The following ENTPD7 variants were observed in gnomAD, a reference collection of about 807,000 sequenced individuals.
ENTPD7 encodes the protein ectonucleoside triphosphate diphosphohydrolase 7.
A neutral mutation model predicts 77.9 loss-of-function variants in ENTPD7; 53 were observed. The ratio of observed to expected loss-of-function variants is 0.68; its 90% CI spans 0.55 to 0.85. The LOEUF is 0.85. Among genes scored for constraint, ENTPD7 ranks in the 40% least tolerant of loss-of-function variants. ENTPD7 has a pLI of 0.00. For synonymous variants in ENTPD7, 248 were observed against 274.9 expected, an observed-to-expected ratio of 0.90 and a Z score of 0.97; for missense variants, 636 against 743.7, an observed-to-expected ratio of 0.86 and a Z score of 1.68.
chr10:99,679,600 C>A (rs914766023), intron 4 of ENTPD7, 125 bp from the exon 5 acceptor site: 1 of 1,426,840 alleles, frequency 7.0e-7, no homozygotes, highest in African/African-American at 1.4e-5. Flanking sequence ...CATTGTCACC[C>A]CCTACCTCTC....
chr10:99,678,254 G>A (rs1039035425), intron 3 of ENTPD7, among the ~76,000 whole-genome samples: 5 of 149,914 alleles, frequency 3.3e-5, no homozygotes, highest in African/African-American at 7.4e-5. Context: ...GGATCACGAG[G>A]TCAGGAGATC....
At chr10:99,695,885 T>A (rs2035964730) in intron 8 of ENTPD7, 71 bp from the exon 9 acceptor site, 5 of 1,436,872 alleles carry the variant, frequency 3.5e-6, no homozygotes, top group Non-Finnish European at 4.7e-6. Flanking sequence ...CCTCGTGTAT[T>A]AGCAATGTCA....
At position 99,679,274 on chromosome 10, in the gene ENTPD7, G is replaced by A. The variant is rs1362406037; in HGVS notation, c.205G>A (p.Val69Ile). Residue 69 changes from valine (V) to isoleucine (I), a missense_variant, in exon 4 of 13, where the codon GTA becomes ATA. Transcript: ENST00000370489. ...DRQYERYLAR[V>I]GELEATDTED... ...TGCCTGACTTAGGTATTTGGCTCGA[G>A]TAGGGGAGCTTGAAGCTACTGACAC... 3 of 1,614,036 alleles carry A rather than the reference G, an allele frequency of 1.9e-6. No individual in the cohort carries two copies. Among genetic ancestry groups the A allele is most frequent in the East Asian group, 2.2e-5 (1 of 44,896 alleles).
Position 99,704,994 on chromosome 10 carries a change from T to G in ENTPD7, c.*311T>G. 9.3e-6 allele frequency: 3 copies of G among 323,076 alleles called. No individual in the cohort carries two copies. Among genetic ancestry groups the G allele is most frequent in the East Asian group, 1.2e-4 (2 of 16,704 alleles). 20.0% of individuals were successfully genotyped at this position (323,076 alleles called of 1,614,324 possible). A position where few individuals can be genotyped will look rare whatever the true frequency, so the allele number is the denominator to read the frequency against. On this transcript the variant is annotated 3_prime_UTR_variant, in exon 13 of 13. Transcript: ENST00000370489. ...TGTGTTCCTAGAATCTCACCTTTTC[T>G]TCCCTTGCTAAAGCATGAAGTTTGG...
intron 5 of ENTPD7, among the ~76,000 whole-genome samples, chr10:99,680,101 T>TA (rs1350064045): frequency 6.6e-6 from 1 of 152,162 alleles, no homozygotes; most frequent in African/African-American, 2.4e-5. Context: ...GTGGTGATGG[T>TA]AATAGATTTG....
chr10:99,680,939 T>A (rs1389884456), intron 5 of ENTPD7, among the ~76,000 whole-genome samples: 2 of 152,236 alleles, frequency 1.3e-5, no homozygotes, highest in Non-Finnish European at 2.9e-5. Context: ...GTACAGTGGA[T>A]CTTCAGTGCT....
At chr10:99,674,861 G>T (rs1412100013) in intron 3 of ENTPD7, among the ~76,000 whole-genome samples, 1 of 152,214 alleles carries the variant, frequency 6.6e-6, no homozygotes, top group African/African-American at 2.4e-5. Context: ...CATTGTACTA[G>T]TAGTTACTAT....
intron 5 of ENTPD7, among the ~76,000 whole-genome samples, chr10:99,684,141 C>T (rs528361134): frequency 3.7e-4 from 56 of 152,218 alleles, no homozygotes; most frequent in African/African-American, 1.3e-3. Flanking sequence ...CTGCAACCTC[C>T]ACCTCCCGGG....
At chr10:99,679,543 T>G (rs1256610582) in intron 4 of ENTPD7, 77 bp downstream of exon 4, 5 of 1,483,954 alleles carry the variant, frequency 3.4e-6, no homozygotes, top group Non-Finnish European at 4.5e-6. Flanking sequence ...GAAAGCAAGC[T>G]ACCCCTTTCT....
At chr10:99,672,715 C>T (rs1213084351) in intron 3 of ENTPD7, among the ~76,000 whole-genome samples, 4 of 152,154 alleles carry the variant, frequency 2.6e-5, no homozygotes, top group Admixed American at 1.3e-4. Context: ...ATATACTTTT[C>T]TGGGTATGTA....
chr10:99,667,761 T>C (rs1240766851), intron 3 of ENTPD7, among the ~76,000 whole-genome samples: 1 of 152,090 alleles, frequency 6.6e-6, no homozygotes, highest in Non-Finnish European at 1.5e-5. Context: ...CAATAATCAG[T>C]TATATCTGGC....
Position 99,659,726 on chromosome 10 carries a change from G to C in ENTPD7, c.-95-136G>C. On this transcript the variant is annotated intron_variant, in intron 1 of 12. Coordinates refer to ENST00000370489, the MANE Select transcript of ENTPD7 (RefSeq NM_020354.5). This position sits in a 1 kb window ranked among gnomAD's most constrained non-coding sequence, Gnocchi z 4.1. ...AGAACGCCCCGCTCCCAGGATGCCC[G>C]GGTAGGGTCCCCTGGGCCTGAGGAA... The C allele has an allele frequency of 1.9e-6, 1 of 514,568 alleles. No individual in the cohort carries two copies. Among genetic ancestry groups the C allele is most frequent in the Non-Finnish European group, 3.4e-6 (1 of 292,030 alleles). The allele number at this position is 514,568 out of a possible 1,614,324, so 31.9% of individuals were successfully genotyped here.
chr10:99,684,177 T>C (rs1032439320), intron 5 of ENTPD7, among the ~76,000 whole-genome samples: 2 of 152,138 alleles, frequency 1.3e-5, no homozygotes, highest in Non-Finnish European at 2.9e-5. Context: ...TGCCTCAGCC[T>C]CCCGAGTGGG....
At chr10:99,660,905 G>C (rs1278983956) in intron 2 of ENTPD7, among the ~76,000 whole-genome samples, 5 of 144,240 alleles carry the variant, frequency 3.5e-5, no homozygotes, top group Admixed American at 1.4e-4. Context: ...CTGGGCAACA[G>C]AGCAAGACTC....
Position 99,709,276 on chromosome 10 carries a change from T to G in ENTPD7, c.*4593T>G. On this transcript the variant is annotated 3_prime_UTR_variant, in exon 13 of 13. Transcript: ENST00000370489. ...TGTTTCTTTTTGTTGTCTTTAAACT[T>G]TTCAAATTAATTCAAAACTAGTATC... is the stretch of plus-strand genomic sequence containing the variant. 1 of 985,372 alleles carries G rather than the reference T, an allele frequency of 1.0e-6. No individual in the cohort carries two copies. 61.0% of individuals were successfully genotyped at this position (985,372 alleles called of 1,614,324 possible). A position where few individuals can be genotyped will look rare whatever the true frequency, so the allele number is the denominator to read the frequency against.
chr10:99,709,829 G>A lies in ENTPD7; in HGVS notation c.*5146G>A, dbSNP rs951883284. ...TATTTCATTATTTTCCAGTTTGTCA[G>A]TACCGTTATCAGAGGGACGAGGAAG... On this transcript the variant is annotated 3_prime_UTR_variant, in exon 13 of 13. Transcript: ENST00000370489. 2 of 985,074 alleles carry A rather than the reference G, an allele frequency of 2.0e-6. No homozygotes were observed. Among genetic ancestry groups the A allele is most frequent in the African/African-American group, 3.5e-5 (2 of 57,166 alleles). The allele number at this position is 985,074 out of a possible 1,614,324, so 61.0% of individuals were successfully genotyped here. A position where few individuals can be genotyped will look rare whatever the true frequency, so the allele number is the denominator to read the frequency against.
chr10:99,664,728 C>T (rs1415251195), intron 3 of ENTPD7, among the ~76,000 whole-genome samples: 2 of 149,994 alleles, frequency 1.3e-5, no homozygotes, highest in Non-Finnish European at 3.0e-5. Flanking sequence ...GAATTACAGG[C>T]GTGAGCCACC....
In ENTPD7 at chr10:99,709,458, G is replaced by A. The variant is rs2036316043; in HGVS notation, c.*4775G>A. On this transcript the variant is annotated 3_prime_UTR_variant, in exon 13 of 13. Transcript: ENST00000370489. Reference sequence around the variant, plus strand: ...GGCAATAACTTGTGAGGATTTTCCTGGTGTTACAAAAAATATTGCTGTTAA... The same window carrying A: ...GGCAATAACTTGTGAGGATTTTCCTAGTGTTACAAAAAATATTGCTGTTAA... The A allele has an allele frequency of 4.1e-6, 4 of 985,152 alleles. No homozygotes were observed. Among genetic ancestry groups the A allele is most frequent in the Non-Finnish European group, 4.8e-6 (4 of 829,916 alleles). 61.0% of individuals were successfully genotyped at this position (985,152 alleles called of 1,614,324 possible). A position where few individuals can be genotyped will look rare whatever the true frequency, so the allele number is the denominator to read the frequency against.
intron 6 of ENTPD7, among the ~76,000 whole-genome samples, chr10:99,686,223 G>C (rs1254162014): frequency 6.6e-6 from 1 of 152,160 alleles, no homozygotes. Flanking sequence ...TCTAGGAGTT[G>C]TATTGAGTTT....
Sources: gnomAD v4.1 joint callset for allele counts (sites outside exome capture counted in the v4.1 genomes callset) on GRCh38, gnomAD v4.1.1 for gene constraint, Gnocchi (gnomAD v3.1) non-coding constraint, MANE v1.5 for transcripts, NCBI Gene and HGNC (gene_info 2026-07-23, HGNC 2026-07-21) for gene names.